The following RANBP2 variants were observed in gnomAD, a reference collection of about 807,000 sequenced individuals.
RANBP2 encodes RAN binding protein 2, also known as E3 SUMO-protein ligase RanBP2.
Under a neutral mutation model 303.6 loss-of-function variants are expected in RANBP2, and 57 were observed. That is an observed-to-expected ratio of 0.19 (90% CI 0.15 to 0.23). The LOEUF is 0.23. Ranked by LOEUF, RANBP2 falls within the 10% of genes least tolerant of loss-of-function variation. RANBP2 has a pLI of 1.00. For missense variants in RANBP2, 3,138 were observed against 3,780.8 expected, an observed-to-expected ratio of 0.83 and a Z score of 4.46; for synonymous variants, 1,167 against 1,301.5, an observed-to-expected ratio of 0.90 and a Z score of 2.23.
chr2:109,471,752 C>T, the RANBP2 span, among the ~76,000 whole-genome samples: 1 of 152,206 alleles, frequency 6.6e-6, no homozygotes. Context: ...AAGACGGTCC[C>T]AAGAGCTTAG....
the RANBP2 span, among the ~76,000 whole-genome samples, chr2:109,256,333 C>G: frequency 1.3e-5 from 2 of 152,156 alleles, no homozygotes; most frequent in Non-Finnish European, 2.9e-5. Context: ...CTGGGGCGAG[C>G]TTGGAAGGTG....
chr2:109,284,581 G>A, the RANBP2 span, among the ~76,000 whole-genome samples: 1 of 152,212 alleles, frequency 6.6e-6, no homozygotes, highest in African/African-American at 2.4e-5. Context: ...TCACAGGGTG[G>A]TTTTGGCTGG....
chr2:108,729,287 A>C (rs1052340702), intron 2 of RANBP2, 88 bp downstream of exon 2: 35 of 1,354,672 alleles, frequency 2.6e-5, no homozygotes, highest in Non-Finnish European at 3.5e-5. Flanking sequence ...ATATGTTCTT[A>C]GTAGTTCTTC....
chr2:109,417,111 G>A, the RANBP2 span, among the ~76,000 whole-genome samples: 1 of 152,148 alleles, frequency 6.6e-6, no homozygotes, highest in Admixed American at 6.6e-5. Context: ...ATGACCCTAA[G>A]ATCCTGCCCA....
At chr2:109,310,045 T>C in the RANBP2 span, among the ~76,000 whole-genome samples, 1,223 of 118,018 alleles carry the variant, frequency 0.01, 168 homozygotes, top group East Asian at 0.05. Flanking sequence ...TACATTTTTT[T>C]CAGCACCACA....
chr2:109,524,460 A>AC, the RANBP2 span, among the ~76,000 whole-genome samples: 1 of 68,114 alleles, frequency 1.5e-5, no homozygotes, highest in South Asian at 5.8e-4. Flanking sequence ...AAAAAAAAAA[A>AC]AAAAAACAAA....
chr2:109,614,478 G>A, the RANBP2 span: 1 of 1,225,910 alleles, frequency 8.2e-7, no homozygotes, highest in Non-Finnish European at 1.0e-6. Flanking sequence ...CGGGGGAGCA[G>A]CGCGGTCGAG....
chr2:109,002,138 T>C, the RANBP2 span, among the ~76,000 whole-genome samples: 2 of 152,210 alleles, frequency 1.3e-5, no homozygotes, highest in African/African-American at 4.8e-5. Flanking sequence ...GCACCCTTGC[T>C]GTCCCCCAAC....
the RANBP2 span, among the ~76,000 whole-genome samples, chr2:108,918,335 G>A: frequency 2.0e-5 from 3 of 152,198 alleles, no homozygotes; most frequent in Non-Finnish European, 4.4e-5. Context: ...ACAGTGTCTG[G>A]AGGTTTCACC....
At chr2:108,807,022 G>A in the RANBP2 span, among the ~76,000 whole-genome samples, 20 of 152,210 alleles carry the variant, frequency 1.3e-4, no homozygotes, top group Admixed American at 9.2e-4. Flanking sequence ...TCAGATTAAG[G>A]TGCTTACTCC....
At chr2:109,129,369 G>A in the RANBP2 span, 9 of 770,140 alleles carry the variant, frequency 1.2e-5, no homozygotes, top group African/African-American at 1.8e-4. Flanking sequence ...CACGCAGGCC[G>A]GTCGGTGAGC....
the RANBP2 span, among the ~76,000 whole-genome samples, chr2:108,868,432 G>A: frequency 6.6e-6 from 1 of 152,264 alleles, no homozygotes; most frequent in South Asian, 2.1e-4. Context: ...CAAAAGCACT[G>A]AAAAATTTGT....
At chr2:109,015,115 T>C in the RANBP2 span, among the ~76,000 whole-genome samples, 24 of 77,786 alleles carry the variant, frequency 3.1e-4, no homozygotes, top group East Asian at 4.3e-3. Context: ...CGAGACTCCA[T>C]CTCAAAAAAA....
the RANBP2 span, among the ~76,000 whole-genome samples, chr2:109,475,769 A>T: frequency 2.0e-5 from 3 of 152,206 alleles, no homozygotes; most frequent in Non-Finnish European, 4.4e-5. Context: ...TCGGGGGCAG[A>T]ATCACCCTGG....
At chr2:109,335,013 G>A in the RANBP2 span, among the ~76,000 whole-genome samples, 1 of 152,210 alleles carries the variant, frequency 6.6e-6, no homozygotes, top group Non-Finnish European at 1.5e-5. Context: ...TTATGTCACC[G>A]CGTTGGCGAC....
At chr2:109,593,811 G>C in the RANBP2 span, among the ~76,000 whole-genome samples, 1 of 152,188 alleles carries the variant, frequency 6.6e-6, no homozygotes, top group Non-Finnish European at 1.5e-5. Flanking sequence ...TACAATTGTG[G>C]TGTGGTGGGG....
chr2:108,855,159 A>C, the RANBP2 span, among the ~76,000 whole-genome samples: 18 of 152,194 alleles, frequency 1.2e-4, no homozygotes, highest in Admixed American at 1.1e-3. Context: ...AAAATCTGAA[A>C]TATTCAATAA....
chr2:108,896,917 G>C, the RANBP2 span: 1 of 1,612,090 alleles, frequency 6.2e-7, no homozygotes, highest in South Asian at 1.1e-5. Flanking sequence ...TCAGGATGCA[G>C]CATGTGGCTG....
chr2:109,138,520 G>C, the RANBP2 span, among the ~76,000 whole-genome samples: 1 of 152,232 alleles, frequency 6.6e-6, no homozygotes, highest in Non-Finnish European at 1.5e-5. Context: ...CAAATTTTGA[G>C]TAATATTCTG....
Sources: gnomAD v4.1 joint callset for allele counts (sites outside exome capture counted in the v4.1 genomes callset) on GRCh38, gnomAD v4.1.1 for gene constraint, MANE v1.5 for transcripts, NCBI Gene and HGNC (gene_info 2026-07-23, HGNC 2026-07-21) for gene names.